Variants in MEI4 observed in about 807,000 individuals in gnomAD.
MEI4 encodes meiosis-specific protein MEI4.
MEI4 carries 27 observed loss-of-function variants against 31.4 expected under a neutral mutation model. That is an observed-to-expected ratio of 0.86 (90% CI 0.63 to 1.19). The LOEUF (loss-of-function observed/expected upper bound fraction) is 1.19. MEI4 is among the 50% of genes most tolerant of loss of function. The probability of loss-of-function intolerance (pLI) is 0.00; values close to 1 mark genes in which losing one functional copy is unlikely to be tolerated. For missense variants in MEI4, 329 were observed against 398.9 expected (o/e 0.82, Z 1.49); for synonymous variants, 122 against 145.4 (o/e 0.84, Z 1.16).
At chr6:77,701,105 C>T (rs1174040874) in intron 2 of MEI4, among the ~76,000 whole-genome samples, 1 of 151,964 alleles carries the variant, frequency 6.6e-6, no homozygotes, top group Non-Finnish European at 1.5e-5. Flanking sequence ...TGCTCTTTTT[C>T]TTTATAAAAG....
Position 77,657,611 on chromosome 6 carries a change from T to A in MEI4, c.-15+4519T>A, listed in dbSNP as rs78860944. ...AAAACACCACTTGGATTTTTTTTTTTACTCATCCACTCTGAAGGCTGCATT... is the reference window on the plus strand; with the variant it reads ...AAAACACCACTTGGATTTTTTTTTTAACTCATCCACTCTGAAGGCTGCATT... On this transcript the variant is annotated intron_variant, in intron 1 of 4. Transcript: ENST00000684080. Among the ~76,000 whole-genome samples the A allele has an allele frequency of 1.5e-3, 222 of 152,184 alleles. 5 individuals are homozygous for A. The East Asian group carries it at 0.039, about 27-fold the overall frequency.
chr6:77,891,350 TCAGA>T (rs1487871626), intron 4 of MEI4, among the ~76,000 whole-genome samples: 8 of 152,294 alleles, frequency 5.3e-5, no homozygotes, highest in East Asian at 1.9e-4. Context: ...CCTTTTTTTG[TCAGA>T]CAGGTTATTT....
chr6:77,925,798 ATATT>A lies in MEI4; in HGVS notation c.*2453_*2456del, dbSNP rs1766829062. Reference sequence around the variant, plus strand: ...ATATATTTTATATGAGAGTAAATATATATTAAATATTTTATATACATTTATATAA... The same window carrying A: ...ATATATTTTATATGAGAGTAAATATAAAATATTTTATATACATTTATATAA... On this transcript the variant is annotated 3_prime_UTR_variant, in exon 5 of 5. Transcript: ENST00000684080. The A allele has an allele frequency of 6.7e-6, 1 of 148,250 alleles. No individual in the cohort carries two copies. Among genetic ancestry groups the A allele is most frequent in the Non-Finnish European group, 1.5e-5 (1 of 67,208 alleles). 9.2% of individuals were successfully genotyped at this position (148,250 alleles called of 1,614,324 possible).
intron 3 of MEI4, among the ~76,000 whole-genome samples, chr6:77,821,705 G>A (rs1455992308): frequency 6.7e-6 from 1 of 148,170 alleles, no homozygotes; most frequent in Non-Finnish European, 1.5e-5. Flanking sequence ...CGAGGCAGGA[G>A]AATCGCTTGA....
chr6:77,877,444 GA>G (rs1311148763), intron 4 of MEI4, among the ~76,000 whole-genome samples: 2 of 151,072 alleles, frequency 1.3e-5, no homozygotes, highest in Admixed American at 1.3e-4. Context: ...CAGAAAGAAG[GA>G]AAATTAAGCC....
At chr6:77,674,178 A>G (rs1267629451) in intron 1 of MEI4, among the ~76,000 whole-genome samples, 1 of 152,176 alleles carries the variant, frequency 6.6e-6, no homozygotes. Flanking sequence ...GGGCTTGACT[A>G]TATTAATGAC....
chr6:77,728,459 CTT>C (rs1252829484), intron 2 of MEI4, among the ~76,000 whole-genome samples: 2 of 152,160 alleles, frequency 1.3e-5, no homozygotes, highest in Non-Finnish European at 2.9e-5. Flanking sequence ...AGCCAAAACA[CTT>C]TGATTTCTGG....
At chr6:77,817,169 A>T (rs1178564749) in intron 3 of MEI4, among the ~76,000 whole-genome samples, 1 of 152,138 alleles carries the variant, frequency 6.6e-6, no homozygotes, top group African/African-American at 2.4e-5. Flanking sequence ...AATATATAAT[A>T]GGTATTAAGG....
chr6:77,706,933 C>G (rs561492583), intron 2 of MEI4, among the ~76,000 whole-genome samples: 2 of 152,180 alleles, frequency 1.3e-5, no homozygotes, highest in African/African-American at 4.8e-5. Flanking sequence ...AGTTCACAGT[C>G]TCAGATATTC....
chr6:77,694,785 G>C (rs1765974301), intron 2 of MEI4, among the ~76,000 whole-genome samples: 1 of 151,624 alleles, frequency 6.6e-6, no homozygotes, highest in South Asian at 2.1e-4. Flanking sequence ...CCCAGTAATG[G>C]GATGGCTGGG....
chr6:77,868,527 A>ATATATATATATATATG (rs1443166431), intron 4 of MEI4, among the ~76,000 whole-genome samples: 18 of 141,042 alleles, frequency 1.3e-4, no homozygotes, highest in African/African-American at 4.3e-4. Flanking sequence ...ATATATATAT[A>ATATATATATATATATG]TGCAGATTTC....
In MEI4 at chr6:77,766,391, T is replaced by C. The variant is rs548043344; in HGVS notation, c.768+4726T>C. Among the ~76,000 whole-genome samples the C allele has an allele frequency of 3.3e-5, 5 of 152,232 alleles. No homozygotes were observed. In the East Asian group the frequency reaches 9.7e-4, roughly 29 times the overall value. ...GGCAGTTTATGGATAAATCTGAAGA[T>C]GATGGATCATGAAATCAGATATTTA... On this transcript the variant is annotated intron_variant, in intron 3 of 4. Coordinates refer to ENST00000684080, the MANE Select transcript of MEI4 (RefSeq NM_001322247.2).
At position 77,916,919 on chromosome 6, in the gene MEI4, C is replaced by G. The variant is rs193212561; in HGVS notation, c.901-6170C>G. Among the ~76,000 whole-genome samples the G allele has an allele frequency of 8.2e-4, 123 of 150,704 alleles. 2 individuals carry two copies. The highest frequency in any genetic ancestry group is 2.4e-3 in the African/African-American group (98 of 41,042). ...TATCTCCCAATGCTATCCCTCCCCCCCTACCCCCACCCCACCACAGTCCCC... is the reference window on the plus strand; with the variant it reads ...TATCTCCCAATGCTATCCCTCCCCCGCTACCCCCACCCCACCACAGTCCCC... On this transcript the variant is annotated intron_variant, in intron 4 of 4. Transcript: ENST00000684080.
chr6:77,736,623 C>G (rs1767242722), intron 2 of MEI4, among the ~76,000 whole-genome samples: 2 of 152,102 alleles, frequency 1.3e-5, no homozygotes, highest in Non-Finnish European at 2.9e-5. Context: ...GAGCTGTAGA[C>G]CGGAGCTGTT....
At chr6:77,715,000 A>G (rs1181573670) in intron 2 of MEI4, among the ~76,000 whole-genome samples, 3 of 152,192 alleles carry the variant, frequency 2.0e-5, no homozygotes, top group African/African-American at 4.8e-5. Flanking sequence ...GGAGGAAGCC[A>G]TGCCTTATTT....
At chr6:77,669,221 G>A (rs2504273) in intron 1 of MEI4, among the ~76,000 whole-genome samples, 1,662 of 147,790 alleles carry the variant, frequency 0.011, 30 homozygotes, top group African/African-American at 0.04. Context: ...GAGGAAGCAT[G>A]TGTGTGTGTG....
At chr6:77,752,367 C>T (rs1282829582) in intron 2 of MEI4, among the ~76,000 whole-genome samples, 2 of 151,924 alleles carry the variant, frequency 1.3e-5, no homozygotes, top group Admixed American at 1.3e-4. Context: ...TATTTAGAAA[C>T]CCCCATTGTC....
intron 4 of MEI4, among the ~76,000 whole-genome samples, chr6:77,849,527 CT>C (rs1304940588): frequency 6.6e-6 from 1 of 152,140 alleles, no homozygotes. Context: ...ACAATTTTAA[CT>C]GTAAGTTATG....
intron 1 of MEI4, among the ~76,000 whole-genome samples, chr6:77,653,462 G>A (rs1049258675): frequency 6.6e-6 from 1 of 152,194 alleles, no homozygotes; most frequent in African/African-American, 2.4e-5. Flanking sequence ...TCTGGGTCAA[G>A]TGATTGGGGA....
Sources: allele counts gnomAD v4.1 joint callset (sites outside exome capture counted in the v4.1 genomes callset), GRCh38; gene constraint gnomAD v4.1.1; transcripts MANE v1.5; gene names NCBI Gene and HGNC (gene_info 2026-07-23, HGNC 2026-07-21).